DCC: variants seen among roughly 807,000 people sequenced by gnomAD.
DCC encodes DCC netrin 1 receptor.
Under a neutral mutation model 172.5 loss-of-function variants are expected in DCC, and 58 were observed. That is an observed-to-expected ratio of 0.34 (90% CI 0.27 to 0.42). The LOEUF (loss-of-function observed/expected upper bound fraction) is 0.42. Ranked by LOEUF, DCC falls within the 10% of genes least tolerant of loss-of-function variation. DCC has a pLI of 1.00. For synonymous variants in DCC, 709 were observed against 644.5 expected (o/e 1.10, Z -1.52); for missense variants, 1,740 against 1,791.0 (o/e 0.97, Z 0.51).
At chr18:52,364,732 T>A (rs1984768064) in intron 1 of DCC, among the ~76,000 whole-genome samples, 1 of 152,198 alleles carries the variant, frequency 6.6e-6, no homozygotes, top group Non-Finnish European at 1.5e-5. Flanking sequence ...TACTCATTGA[T>A]CCTGGTTTTG....
chr18:52,961,617 C>A (rs976401689), intron 5 of DCC, among the ~76,000 whole-genome samples: 4 of 152,300 alleles, frequency 2.6e-5, no homozygotes, highest in Non-Finnish European at 2.9e-5. Flanking sequence ...TGCCTCCCTG[C>A]ACAAATACAT....
chr18:53,185,705 C>A (rs10163720), intron 9 of DCC, among the ~76,000 whole-genome samples: 3,322 of 152,098 alleles, frequency 0.022, 41 homozygotes, highest in Middle Eastern at 0.027. Flanking sequence ...TGCTGGTAAA[C>A]GAGGATACAA....
chr18:53,115,781 A>T (rs936246668), intron 7 of DCC, among the ~76,000 whole-genome samples: 12 of 151,698 alleles, frequency 7.9e-5, no homozygotes, highest in Admixed American at 5.3e-4. Flanking sequence ...TTGAACAAAA[A>T]TTTTTTTGTA....
At chr18:53,527,098 T>A in intron 28 of DCC, 2 of 112,398 alleles carry the variant, frequency 1.8e-5, no homozygotes, top group Non-Finnish European at 3.4e-5. Context: ...TACGTGTGTG[T>A]GTGTGTGTGT....
intron 2 of DCC, among the ~76,000 whole-genome samples, chr18:52,877,802 T>C (rs550745166): frequency 1.9e-5 from 1 of 52,888 alleles, no homozygotes; most frequent in Admixed American, 3.0e-4. Context: ...TCTGTGGAAG[T>C]CATGAGATTA....
intron 7 of DCC, among the ~76,000 whole-genome samples, chr18:53,126,526 AG>A (rs745717446): frequency 2.6e-5 from 4 of 152,190 alleles, no homozygotes; most frequent in Non-Finnish European, 4.4e-5. Context: ...TTAAAAGCAC[AG>A]AAAACAGTTG....
intron 5 of DCC, among the ~76,000 whole-genome samples, chr18:52,986,829 T>C (rs200973661): frequency 3.1e-5 from 4 of 127,120 alleles, no homozygotes; most frequent in Admixed American, 1.5e-4. Context: ...CACACACACA[T>C]ATACATACAC....
At chr18:53,140,013 CA>C (rs2043806519) in intron 7 of DCC, among the ~76,000 whole-genome samples, 2 of 152,064 alleles carry the variant, frequency 1.3e-5, no homozygotes, top group Admixed American at 1.3e-4. Flanking sequence ...GAAAAATATT[CA>C]ACAAAAATAT....
intron 1 of DCC, among the ~76,000 whole-genome samples, chr18:52,691,571 T>A (rs556262526): frequency 4.6e-5 from 7 of 152,112 alleles, no homozygotes; most frequent in Non-Finnish European, 1.0e-4. Flanking sequence ...TCTGGCTTAA[T>A]CTCAGGGGGG....
chr18:52,654,801 G>A (rs2035213665), intron 1 of DCC, among the ~76,000 whole-genome samples: 1 of 152,118 alleles, frequency 6.6e-6, no homozygotes, highest in African/African-American at 2.4e-5. Flanking sequence ...AAACTGAGTT[G>A]CAGGAGACCC....
At chr18:52,826,495 G>T (rs974964843) in intron 2 of DCC, among the ~76,000 whole-genome samples, 3 of 151,820 alleles carry the variant, frequency 2.0e-5, no homozygotes, top group Non-Finnish European at 4.4e-5. Context: ...TTTTTTTAAT[G>T]GGAATGAGTC....
rs143527521 is a variant in DCC at position 53,006,879 on chromosome 18, C to T, written c.986-56426C>T. On this transcript the variant is annotated intron_variant, in intron 5 of 28. Coordinates refer to ENST00000442544, the MANE Select transcript of DCC (RefSeq NM_005215.4). ...CCAACAGGGCATGACATGGTCATAA[C>T]GTTTTGCAGCCTCCCGTTTCTACAA... is the stretch of plus-strand genomic sequence containing the variant. Among the ~76,000 whole-genome samples, 369 of 152,246 alleles carry T rather than the reference C, an allele frequency of 2.4e-3. 1 individual carries two copies. Among genetic ancestry groups the T allele is most frequent in the African/African-American group, 8.4e-3 (350 of 41,554 alleles).
At chr18:53,513,779 T>C (rs1347997693) in intron 27 of DCC, among the ~76,000 whole-genome samples, 1 of 149,490 alleles carries the variant, frequency 6.7e-6, no homozygotes, top group Non-Finnish European at 1.5e-5. Flanking sequence ...TAAATATATA[T>C]GCACCCAATA....
chr18:53,027,982 A>T (rs1376643642), intron 5 of DCC, among the ~76,000 whole-genome samples: 1 of 152,170 alleles, frequency 6.6e-6, no homozygotes, highest in Non-Finnish European at 1.5e-5. Context: ...TGGAGACCTG[A>T]ACAGTGATAT....
At chr18:52,879,590 C>T (rs910359190) in intron 2 of DCC, among the ~76,000 whole-genome samples, 2 of 151,698 alleles carry the variant, frequency 1.3e-5, no homozygotes, top group East Asian at 3.9e-4. Context: ...TGCCATTATG[C>T]CCAGGTAATT....
At chr18:52,707,677 C>T (rs182942961) in intron 1 of DCC, among the ~76,000 whole-genome samples, 65 of 152,204 alleles carry the variant, frequency 4.3e-4, no homozygotes, top group African/African-American at 1.5e-3. Flanking sequence ...AATGATTCAA[C>T]CTTTAAAAAT....
At chr18:53,047,307 T>C (rs1339048350) in intron 5 of DCC, among the ~76,000 whole-genome samples, 624 of 26,452 alleles carry the variant, frequency 0.024, 51 homozygotes, top group Admixed American at 0.076. Context: ...TATATATATA[T>C]AATTTTATAT....
At position 52,703,729 on chromosome 18, in the gene DCC, A is replaced by ATT. The variant is rs35250941; in HGVS notation, c.92-48315_92-48314dup. Among the ~76,000 whole-genome samples the ATT allele has an allele frequency of 1.2e-4, 18 of 149,294 alleles. No individual in the cohort carries two copies. In the East Asian group the frequency reaches 1.6e-3, roughly 13 times the overall value. On this transcript the variant is annotated intron_variant, in intron 1 of 28. Coordinates refer to ENST00000442544, the MANE Select transcript of DCC (RefSeq NM_005215.4). ...TGTTACCTTAAAATAATTGCAAAGA[A>ATT]TTTTTTTTTTTGAAAATGTGCTCAG...
In DCC at chr18:52,987,185, A is replaced by G. The variant is rs9956877; in HGVS notation, c.985+61815A>G. ...TATGGTTTCCTCCCCCTTTCTATCTATACTCACACTCTGGGTAAGAAGTAG... is the reference window on the plus strand; with the variant it reads ...TATGGTTTCCTCCCCCTTTCTATCTGTACTCACACTCTGGGTAAGAAGTAG... On this transcript the variant is annotated intron_variant, in intron 5 of 28. Transcript: ENST00000442544. Among the ~76,000 whole-genome samples the G allele has an allele frequency of 6.4e-4, 98 of 152,236 alleles. 1 individual carries two copies. Among genetic ancestry groups the G allele is most frequent in the African/African-American group, 2.2e-3 (91 of 41,550 alleles).
Sources: gnomAD v4.1 joint callset for allele counts (sites outside exome capture counted in the v4.1 genomes callset) on GRCh38, gnomAD v4.1.1 for gene constraint, MANE v1.5 for transcripts, NCBI Gene and HGNC (gene_info 2026-07-23, HGNC 2026-07-21) for gene names.